The following WARS2 variants were observed in gnomAD, a reference collection of about 807,000 sequenced individuals.
The protein encoded by WARS2 is tryptophan--tRNA ligase, mitochondrial.
Under a neutral mutation model 36.5 loss-of-function variants are expected in WARS2, and 28 were observed. The ratio of observed to expected loss-of-function variants is 0.77; its 90% CI spans 0.57 to 1.05. WARS2 has a LOEUF of 1.05. WARS2 is among the 50% of genes least tolerant of loss of function. WARS2 has a pLI of 0.00. For synonymous variants in WARS2, 174 were observed against 178.4 expected (o/e 0.98, Z 0.20); for missense variants, 435 against 456.8 (o/e 0.95, Z 0.44).
At chr1:119,034,925 A>T (rs1647743475) in intron 4 of WARS2, among the ~76,000 whole-genome samples, 1 of 152,222 alleles carries the variant, frequency 6.6e-6, no homozygotes, top group East Asian at 1.9e-4. Context: ...AAAAAAACAT[A>T]CTGGAAGCTC....
intron 2 of WARS2, among the ~76,000 whole-genome samples, chr1:119,070,492 C>T (rs1047135757): frequency 2.0e-5 from 3 of 152,072 alleles, no homozygotes; most frequent in African/African-American, 7.2e-5. Flanking sequence ...ATCTGGAGCT[C>T]CTGAGCTCAA....
intron 1 of WARS2, among the ~76,000 whole-genome samples, chr1:119,090,919 C>A (rs587619404): frequency 6.6e-6 from 1 of 151,924 alleles, no homozygotes; most frequent in African/African-American, 2.4e-5. Context: ...CCTAGTTTTT[C>A]GGCATATGGT....
At chr1:119,072,530 C>A (rs587696806) in intron 2 of WARS2, among the ~76,000 whole-genome samples, 1 of 152,082 alleles carries the variant, frequency 6.6e-6, no homozygotes, top group Non-Finnish European at 1.5e-5. Flanking sequence ...AGTTTTAATT[C>A]TTTTTAAGCC....
chr1:119,048,742 C>G (rs1649070666), intron 2 of WARS2, among the ~76,000 whole-genome samples: 2 of 152,120 alleles, frequency 1.3e-5, no homozygotes, highest in African/African-American at 4.8e-5. Flanking sequence ...TCACCTTGGT[C>G]GGCCACACCC....
chr1:119,072,508 A>G (rs1161836069), intron 2 of WARS2, among the ~76,000 whole-genome samples: 2 of 152,258 alleles, frequency 1.3e-5, no homozygotes, highest in African/African-American at 4.8e-5. Context: ...AAGTAGAAGC[A>G]TAAAAAATCA....
At position 119,084,458 on chromosome 1, in the gene WARS2, A is replaced by C. The variant is rs587660460; in HGVS notation, c.91-7851T>G. ...TGTTATGTGAATTTCACCTCAATAC[A>C]AATAAATAATAAATACGTTGCAAGG... On this transcript the variant is annotated intron_variant, in intron 1 of 5. Transcript: ENST00000235521. Among the ~76,000 whole-genome samples the C allele has an allele frequency of 2.0e-5, 3 of 152,338 alleles. 1 individual carries two copies. The South Asian group carries it at 6.2e-4, about 32-fold the overall frequency.
chr1:119,059,757 T>TA (rs1650222608), intron 2 of WARS2, among the ~76,000 whole-genome samples: 1 of 152,132 alleles, frequency 6.6e-6, no homozygotes, highest in Admixed American at 6.6e-5. Context: ...GATCAATATT[T>TA]AAAAAAAGTA....
intron 1 of WARS2, chr1:119,085,456 C>CT (rs1557970363): frequency 1.3e-6 from 2 of 1,519,232 alleles, no homozygotes; most frequent in Non-Finnish European, 1.8e-6. Context: ...GTCTCTTTTT[C>CT]TTTTTTTCCT....
intron 1 of WARS2, among the ~76,000 whole-genome samples, chr1:119,083,302 T>A (rs1163694057): frequency 6.6e-6 from 1 of 152,162 alleles, no homozygotes; most frequent in African/African-American, 2.4e-5. Context: ...CCCTCTACCA[T>A]GTAAGGACAC....
At chr1:119,125,029 C>T (rs768428915) in intron 1 of WARS2, among the ~76,000 whole-genome samples, 1 of 152,178 alleles carries the variant, frequency 6.6e-6, no homozygotes, top group Non-Finnish European at 1.5e-5. Context: ...AGGGCTGTTA[C>T]AAGAATTAAA....
chr1:119,069,427 A>G (rs1221043664), intron 2 of WARS2, among the ~76,000 whole-genome samples: 4 of 152,234 alleles, frequency 2.6e-5, no homozygotes, highest in Non-Finnish European at 5.9e-5. Context: ...ACCTACCAGT[A>G]TAAAGGAAAT....
At chr1:119,087,036 C>T (rs1652723784) in intron 1 of WARS2, among the ~76,000 whole-genome samples, 1 of 152,146 alleles carries the variant, frequency 6.6e-6, no homozygotes, top group Non-Finnish European at 1.5e-5. Flanking sequence ...ACCAAACACA[C>T]CCACACCTGT....
chr1:119,051,528 G>T (rs1195186991), intron 2 of WARS2, among the ~76,000 whole-genome samples: 1 of 152,052 alleles, frequency 6.6e-6, no homozygotes, highest in East Asian at 1.9e-4. Context: ...ACGGTAGAAC[G>T]ATTTACATTC....
intron 2 of WARS2, among the ~76,000 whole-genome samples, chr1:119,073,160 GAA>G (rs200552851): frequency 1.6e-5 from 1 of 61,754 alleles, no homozygotes; most frequent in African/African-American, 4.6e-5. Flanking sequence ...GTTCAAAAAA[GAA>G]AAAAAAAAAA....
At position 119,048,755 on chromosome 1, in the gene WARS2, G is replaced by A. The variant is rs181634896; in HGVS notation, c.349-3093C>T. Among the ~76,000 whole-genome samples, 32 of 152,142 alleles carry A rather than the reference G, an allele frequency of 2.1e-4. No individual in the cohort carries two copies. The East Asian group carries it at 5.2e-3, about 25-fold the overall frequency. On this transcript the variant is annotated intron_variant, in intron 2 of 5. Transcript: ENST00000235521. ...GATCACCTTGGTCGGCCACACCCTC[G>A]TCCTGTGCCTATAAAAACCCCAAGA...
At chr1:119,132,125 C>T (rs756782590) in intron 1 of WARS2, among the ~76,000 whole-genome samples, 12 of 152,070 alleles carry the variant, frequency 7.9e-5, no homozygotes, top group Non-Finnish European at 1.0e-4. Flanking sequence ...TAACATGTTG[C>T]ACATGAGACA....
intron 1 of WARS2, among the ~76,000 whole-genome samples, chr1:119,104,572 A>C (rs1341832937): frequency 6.6e-6 from 1 of 151,476 alleles, no homozygotes; most frequent in East Asian, 1.9e-4. Flanking sequence ...ACATGTAAAA[A>C]ATAAGAAAGC....
At chr1:119,103,215 G>GT (rs767227318) in intron 1 of WARS2, among the ~76,000 whole-genome samples, 8 of 152,090 alleles carry the variant, frequency 5.3e-5, no homozygotes, top group Admixed American at 3.9e-4. Flanking sequence ...GGTTTTTGTG[G>GT]TTTTTTGTTT....
intron 1 of WARS2, 46 bp from the exon 2 acceptor site, chr1:119,076,653 C>T: frequency 6.2e-7 from 1 of 1,607,138 alleles, no homozygotes; most frequent in East Asian, 2.2e-5. Flanking sequence ...GGCAGAATCC[C>T]ATGAATCCTA....
Sources: allele counts gnomAD v4.1 joint callset (sites outside exome capture counted in the v4.1 genomes callset), GRCh38; gene constraint gnomAD v4.1.1; transcripts MANE v1.5; gene names NCBI Gene and HGNC (gene_info 2026-07-23, HGNC 2026-07-21).